The following CAST variants were observed in gnomAD, a reference collection of about 807,000 sequenced individuals.
The protein encoded by CAST is MIR583 host.
In CAST, 76 loss-of-function variants were observed where a neutral mutation model predicts 119.6. The ratio of observed to expected loss-of-function variants is 0.64; its 90% CI spans 0.53 to 0.77. The LOEUF is 0.77. CAST is among the 30% of genes least tolerant of loss of function. The probability of loss-of-function intolerance (pLI) is 0.00; values close to 1 mark genes in which losing one functional copy is unlikely to be tolerated. For missense variants in CAST, 953 were observed against 946.5 expected, an observed-to-expected ratio of 1.01 and a Z score of -0.09; for synonymous variants, 319 against 331.6, an observed-to-expected ratio of 0.96 and a Z score of 0.41.
chr5:96,030,678 T>G, the CAST span, among the ~76,000 whole-genome samples: 1 of 152,152 alleles, frequency 6.6e-6, no homozygotes, highest in African/African-American at 2.4e-5. Context: ...TCACCTCTTC[T>G]CCACACCTAT....
chr5:95,962,259 C>G, the CAST span, among the ~76,000 whole-genome samples: 14 of 152,220 alleles, frequency 9.2e-5, no homozygotes, highest in African/African-American at 3.4e-4. Context: ...GCGGGTGGTC[C>G]TTGGAGAGGA....
At chr5:96,560,214 A>C (rs1435644437) in intron 1 of CAST, among the ~76,000 whole-genome samples, 3 of 152,078 alleles carry the variant, frequency 2.0e-5, no homozygotes, top group Non-Finnish European at 4.4e-5. Flanking sequence ...TTCAAGATGG[A>C]TTAAAGACTT....
chr5:96,181,562 C>T, the CAST span, among the ~76,000 whole-genome samples: 13 of 152,302 alleles, frequency 8.5e-5, no homozygotes, highest in Middle Eastern at 3.4e-3. Flanking sequence ...GTCTTTGCTT[C>T]TCAGAAGGAG....
At chr5:96,393,014 T>C in the CAST span, 4 of 1,614,222 alleles carry the variant, frequency 2.5e-6, no homozygotes, top group Non-Finnish European at 3.4e-6. Flanking sequence ...ATTTTCCTCA[T>C]TCAGAATGTC....
chr5:96,750,121 A>G (rs1764674128), intron 19 of CAST, among the ~76,000 whole-genome samples: 2 of 152,250 alleles, frequency 1.3e-5, no homozygotes, highest in African/African-American at 2.4e-5. Context: ...TCTTAGGTTT[A>G]TATAAATACA....
chr5:96,395,488 T>C, the CAST span, among the ~76,000 whole-genome samples: 1 of 152,222 alleles, frequency 6.6e-6, no homozygotes, highest in Non-Finnish European at 1.5e-5. Flanking sequence ...TCATGTCCTC[T>C]GCAGGGACAT....
the CAST span, among the ~76,000 whole-genome samples, chr5:96,304,743 A>C: frequency 6.6e-6 from 1 of 152,344 alleles, no homozygotes; most frequent in South Asian, 2.1e-4. Context: ...CAGGTTTGTC[A>C]AAGATCAGAT....
chr5:96,512,412 T>C, the CAST span, among the ~76,000 whole-genome samples: 1 of 152,206 alleles, frequency 6.6e-6, no homozygotes. Flanking sequence ...AAAACATGGC[T>C]CTAAGACATA....
intron 16 of CAST, among the ~76,000 whole-genome samples, chr5:96,743,230 A>G (rs1464683656): frequency 6.6e-6 from 1 of 152,236 alleles, no homozygotes; most frequent in Non-Finnish European, 1.5e-5. Flanking sequence ...GAGCTCCTGC[A>G]TATTTATAGA....
intron 3 of CAST, among the ~76,000 whole-genome samples, chr5:96,716,992 C>A (rs1561514325): frequency 6.6e-6 from 1 of 152,088 alleles, no homozygotes; most frequent in Non-Finnish European, 1.5e-5. Flanking sequence ...TAAGTGTGTT[C>A]TTGATTCCAG....
At chr5:96,085,793 TC>T in the CAST span, among the ~76,000 whole-genome samples, 1 of 152,236 alleles carries the variant, frequency 6.6e-6, no homozygotes. Context: ...AGGGCAGGGG[TC>T]TTGGATCAGC....
chr5:96,751,182 G>A (rs975178597), intron 20 of CAST, among the ~76,000 whole-genome samples: 4 of 151,664 alleles, frequency 2.6e-5, no homozygotes, highest in East Asian at 3.9e-4. Flanking sequence ...ATTTAAGAAG[G>A]TGAATCTTTG....
At chr5:96,449,276 C>T in the CAST span, among the ~76,000 whole-genome samples, 1 of 152,148 alleles carries the variant, frequency 6.6e-6, no homozygotes, top group Non-Finnish European at 1.5e-5. Flanking sequence ...GGCCATGGAA[C>T]AGTAAAGGTC....
intron 2 of CAST, among the ~76,000 whole-genome samples, chr5:96,678,419 C>T (rs1200648279): frequency 1.3e-5 from 2 of 152,154 alleles, no homozygotes; most frequent in South Asian, 2.1e-4. Flanking sequence ...TTTTTCTTCT[C>T]TTTTTATTAT....
the CAST span, among the ~76,000 whole-genome samples, chr5:96,344,202 G>A: frequency 1.4e-5 from 2 of 143,736 alleles, no homozygotes; most frequent in African/African-American, 4.9e-5. Flanking sequence ...ATAGTGAAGA[G>A]TGACATAGTT....
chr5:96,618,389 G>A (rs965800495), intron 1 of CAST, among the ~76,000 whole-genome samples: 5 of 152,318 alleles, frequency 3.3e-5, no homozygotes, highest in East Asian at 1.9e-4. Flanking sequence ...GCACCTCCTC[G>A]GCCTCGGTGT....
At chr5:96,737,032 T>C (rs1393447958) in intron 10 of CAST, among the ~76,000 whole-genome samples, 3 of 152,148 alleles carry the variant, frequency 2.0e-5, no homozygotes, top group Non-Finnish European at 2.9e-5. Flanking sequence ...CAAACACTTA[T>C]AAAACCATCC....
chr5:96,243,441 A>G, the CAST span, among the ~76,000 whole-genome samples: 3,243 of 152,088 alleles, frequency 0.021, 114 homozygotes, highest in African/African-American at 0.074. Flanking sequence ...GTTAAGCTTG[A>G]CTGAATTTAC....
At chr5:96,355,275 G>A in the CAST span, among the ~76,000 whole-genome samples, 1 of 150,392 alleles carries the variant, frequency 6.6e-6, no homozygotes, top group Non-Finnish European at 1.5e-5. Context: ...GTGAGAACAT[G>A]CGGTGTTTGT....
Sources: allele counts gnomAD v4.1 joint callset (sites outside exome capture counted in the v4.1 genomes callset), GRCh38; gene constraint gnomAD v4.1.1; transcripts MANE v1.5; gene names NCBI Gene and HGNC (gene_info 2026-07-23, HGNC 2026-07-21).